The following MAST4 variants were observed in gnomAD, a reference collection of about 807,000 sequenced individuals.
The protein encoded by MAST4 is microtubule-associated serine/threonine-protein kinase 4.
Under a neutral mutation model 162.7 loss-of-function variants are expected in MAST4, and 89 were observed. The observed-to-expected ratio is 0.55, with a 90% confidence interval of 0.46 to 0.65. MAST4 has a LOEUF of 0.65. Among genes scored for constraint, MAST4 ranks in the 30% least tolerant of loss-of-function variants. MAST4 has a pLI of 0.00. For synonymous variants in MAST4, 1,479 were observed against 1,361.1 expected, an observed-to-expected ratio of 1.09 and a Z score of -1.91; for missense variants, 3,153 against 3,374.0, an observed-to-expected ratio of 0.93 and a Z score of 1.62.
chr5:67,082,789 AT>A (rs1762824234), intron 5 of MAST4, among the ~76,000 whole-genome samples: 1 of 152,232 alleles, frequency 6.6e-6, no homozygotes, highest in Non-Finnish European at 1.5e-5. Context: ...TAAAATCCAA[AT>A]TTAAAAATAT....
chr5:66,954,868 T>C (rs557388213), intron 4 of MAST4, among the ~76,000 whole-genome samples: 1 of 148,216 alleles, frequency 6.7e-6, no homozygotes, highest in Non-Finnish European at 1.5e-5. Context: ...GCTACTGCAC[T>C]CCAGCCTGGG....
chr5:67,120,539 G>A (rs1000244020), intron 13 of MAST4, among the ~76,000 whole-genome samples: 3 of 152,162 alleles, frequency 2.0e-5, no homozygotes, highest in African/African-American at 7.2e-5. Context: ...AGAAAGGCAG[G>A]CATTCTGTAC....
At position 67,102,584 on chromosome 5, in the gene MAST4, C is replaced by A; in HGVS notation, c.1119C>A (p.Asn373Lys). The change falls in exon 9 of 29, where the codon AAC becomes AAA. Residue 373 changes from asparagine (N) to lysine (K), a missense_variant. Asn to Lys is a moderately conservative substitution (Grantham distance 94). Coordinates refer to ENST00000403625, the MANE Select transcript of MAST4 (RefSeq NM_001164664.2). ...ACCDHEIIMM[N>K]HVYKERFPKA... ...GTGACCATGAAATAATTATGATGAACCATGTCTACAAAGAAAGGTTCCCAA... is the reference window on the plus strand; with the variant it reads ...GTGACCATGAAATAATTATGATGAAACATGTCTACAAAGAAAGGTTCCCAA... 6.2e-7 allele frequency: 1 copy of A among 1,613,804 alleles called. No individual in the cohort carries two copies. Among genetic ancestry groups the A allele is most frequent in the South Asian group, 1.1e-5 (1 of 91,082 alleles).
intron 4 of MAST4, among the ~76,000 whole-genome samples, chr5:66,944,554 C>A (rs1378831027): frequency 6.6e-6 from 1 of 151,968 alleles, no homozygotes; most frequent in East Asian, 1.9e-4. Flanking sequence ...AAATCTCTTG[C>A]CTTATTTTTC....
At chr5:67,052,098 C>A (rs1205745217) in intron 4 of MAST4, among the ~76,000 whole-genome samples, 1 of 152,108 alleles carries the variant, frequency 6.6e-6, no homozygotes, top group East Asian at 1.9e-4. Flanking sequence ...CTACCCATAC[C>A]TTAAATATGG....
chr5:67,113,981 T>TA, intron 11 of MAST4, 106 bp from the exon 12 acceptor site: 1 of 1,269,464 alleles, frequency 7.9e-7, no homozygotes, highest in Non-Finnish European at 1.1e-6. Flanking sequence ...ATAAGTAACT[T>TA]ACAGCCATGT....
At chr5:66,689,653 A>G (rs966516475) in intron 1 of MAST4, among the ~76,000 whole-genome samples, 3 of 152,108 alleles carry the variant, frequency 2.0e-5, no homozygotes, top group African/African-American at 2.4e-5. Flanking sequence ...CCCTTGTCCA[A>G]TGTACGCTGG....
chr5:67,031,914 A>C (rs895751056), intron 4 of MAST4, among the ~76,000 whole-genome samples: 1 of 152,148 alleles, frequency 6.6e-6, no homozygotes, highest in Admixed American at 6.6e-5. Context: ...GAACTAGATC[A>C]CTGGTGTCCT....
intron 3 of MAST4, among the ~76,000 whole-genome samples, chr5:66,899,008 TGCTCAA>T (rs1762849118): frequency 6.6e-6 from 1 of 152,154 alleles, no homozygotes; most frequent in Non-Finnish European, 1.5e-5. Context: ...CAAAGGATAG[TGCTCAA>T]GCACCTGAAA....
At chr5:66,956,348 GTTGTC>G (rs1157382973) in intron 4 of MAST4, among the ~76,000 whole-genome samples, 3 of 151,936 alleles carry the variant, frequency 2.0e-5, no homozygotes, top group African/African-American at 7.3e-5. Flanking sequence ...CTTCATGTGT[GTTGTC>G]TTGAGAAGTT....
intron 4 of MAST4, among the ~76,000 whole-genome samples, chr5:66,936,031 C>T (rs1455058984): frequency 6.6e-6 from 1 of 152,054 alleles, no homozygotes; most frequent in African/African-American, 2.4e-5. Context: ...ACACCAAGGC[C>T]CAGAATGATT....
At chr5:67,162,465 A>G in intron 27 of MAST4, 142 bp from the exon 28 acceptor site, 1 of 648,600 alleles carries the variant, frequency 1.5e-6, no homozygotes, top group Non-Finnish European at 2.6e-6. Flanking sequence ...CTAATAGGAA[A>G]GTGGTGTTCT....
At chr5:66,662,060 T>C (rs972869655) in intron 1 of MAST4, among the ~76,000 whole-genome samples, 1 of 152,114 alleles carries the variant, frequency 6.6e-6, no homozygotes, top group African/African-American at 2.4e-5. Flanking sequence ...CAGTATTCAG[T>C]GTACTAGTTA....
intron 1 of MAST4, among the ~76,000 whole-genome samples, chr5:66,749,256 G>C (rs1325170827): frequency 6.6e-6 from 1 of 152,100 alleles, no homozygotes; most frequent in Admixed American, 6.5e-5. Context: ...GTCTGAGAGA[G>C]AGGTAGCTTG....
chr5:66,844,777 C>T (rs1299945759), intron 3 of MAST4, among the ~76,000 whole-genome samples: 1 of 151,976 alleles, frequency 6.6e-6, no homozygotes, highest in Non-Finnish European at 1.5e-5. Context: ...AGAGGATGCT[C>T]ATCCAGCTAT....
chr5:67,044,032 G>A (rs1561569247), intron 4 of MAST4, among the ~76,000 whole-genome samples: 1 of 152,174 alleles, frequency 6.6e-6, no homozygotes, highest in Non-Finnish European at 1.5e-5. Flanking sequence ...CATAGCCGCT[G>A]TTTATCCTGG....
intron 7 of MAST4, among the ~76,000 whole-genome samples, chr5:67,098,670 C>CT (rs1674632795): frequency 6.6e-6 from 1 of 152,108 alleles, no homozygotes; most frequent in South Asian, 2.1e-4. Context: ...TTTTGGAACT[C>CT]TAATTGCCTG....
At chr5:66,749,106 C>T (rs1362360080) in intron 1 of MAST4, among the ~76,000 whole-genome samples, 1 of 151,884 alleles carries the variant, frequency 6.6e-6, no homozygotes, top group African/African-American at 2.4e-5. Flanking sequence ...AGACATCAGG[C>T]CAAGGTAAGG....
At chr5:66,922,067 A>G (rs1764575607) in intron 4 of MAST4, among the ~76,000 whole-genome samples, 1 of 152,180 alleles carries the variant, frequency 6.6e-6, no homozygotes, top group Non-Finnish European at 1.5e-5. Flanking sequence ...GACACAACAG[A>G]TTCAGTTCCT....
Sources: allele counts gnomAD v4.1 joint callset (sites outside exome capture counted in the v4.1 genomes callset), GRCh38; gene constraint gnomAD v4.1.1; transcripts MANE v1.5; gene names NCBI Gene and HGNC (gene_info 2026-07-23, HGNC 2026-07-21).